Variants in TNIK observed in about 807,000 individuals in gnomAD.
TNIK encodes TRAF2 and NCK-interacting protein kinase.
TNIK carries 49 observed loss-of-function variants against 191.3 expected under a neutral mutation model. The observed-to-expected ratio is 0.26, with a 90% confidence interval of 0.20 to 0.32. The LOEUF (loss-of-function observed/expected upper bound fraction) is 0.32. Ranked by LOEUF, TNIK falls within the 10% of genes least tolerant of loss-of-function variation. The pLI is 1.00. For missense variants in TNIK, 1,155 were observed against 1,702.3 expected, an observed-to-expected ratio of 0.68 and a Z score of 5.66; for synonymous variants, 594 against 600.9, an observed-to-expected ratio of 0.99 and a Z score of 0.17.
intron 1 of TNIK, chr3:171,439,389 C>T (rs1352813386): frequency 6.6e-6 from 1 of 151,510 alleles, no homozygotes; most frequent in Admixed American, 6.6e-5. Flanking sequence ...AAACTAGGTT[C>T]AAAAACTGGC....
At position 171,329,400 on chromosome 3, in the gene TNIK, C is replaced by T. The variant is rs150807030; in HGVS notation, c.123+40220G>A. 2.5e-3 allele frequency among the ~76,000 whole-genome samples: 377 copies of T among 152,084 alleles called. 3 individuals are homozygous for T. The highest frequency in any genetic ancestry group is 8.8e-3 in the African/African-American group (367 of 41,498). ...TAAATCAAAAGAATGTAATTGAAAA[C>T]AGCAGGGCCTCCAGATAGAGAAATG... On this transcript the variant is annotated intron_variant, in intron 2 of 32. Transcript: ENST00000436636.
chr3:171,300,708 T>C (rs1322689747), intron 2 of TNIK, among the ~76,000 whole-genome samples: 1 of 152,170 alleles, frequency 6.6e-6, no homozygotes, highest in Non-Finnish European at 1.5e-5. Flanking sequence ...AAAGAAATCG[T>C]CAAGTACTGT....
intron 1 of TNIK, among the ~76,000 whole-genome samples, chr3:171,415,065 G>A (rs1206362707): frequency 5.3e-5 from 8 of 152,036 alleles, no homozygotes; most frequent in Non-Finnish European, 1.5e-5. Context: ...CCCTCCAGTT[G>A]CCCAACCCGC....
At chr3:171,211,058 C>T in intron 4 of TNIK, 58 bp downstream of exon 4, 1 of 1,592,166 alleles carries the variant, frequency 6.3e-7, no homozygotes. Flanking sequence ...GAAAAATGAA[C>T]CATTTGGCCG....
At position 171,167,222 on chromosome 3, in the gene TNIK, G is replaced by A. The variant is rs1734728332; in HGVS notation, c.822C>T (p.His274=). Residue 274 remains histidine (H), a synonymous_variant, in exon 10 of 33, where the codon CAC becomes CAT. Transcript: ENST00000436636. The stretch of plus-strand genomic sequence containing the variant: ...ATTGTTCTGTTGCTGGTCGCTGGCT[G>A]TGATTCTTTACCAAGCAGCTCTCAA... The part of the protein sequence containing the change: ...SFIESCLVKN[H]SQRPATEQLM... The A allele has an allele frequency of 1.2e-6, 2 of 1,613,832 alleles. No individual in the cohort carries two copies. The highest frequency in any genetic ancestry group is 1.3e-5 in the African/African-American group (1 of 74,924).
chr3:171,392,297 G>A (rs1423698165), intron 1 of TNIK, among the ~76,000 whole-genome samples: 1 of 152,072 alleles, frequency 6.6e-6, no homozygotes, highest in Admixed American at 6.6e-5. Flanking sequence ...TATTGAAAAG[G>A]GTGATTCCAG....
chr3:171,072,214 G>A (rs1005085766), intron 28 of TNIK, among the ~76,000 whole-genome samples: 4 of 152,104 alleles, frequency 2.6e-5, no homozygotes, highest in Non-Finnish European at 5.9e-5. Context: ...GGTACACATG[G>A]CAGTCAGTTT....
At chr3:171,335,354 G>A (rs921667025) in intron 2 of TNIK, among the ~76,000 whole-genome samples, 3 of 152,180 alleles carry the variant, frequency 2.0e-5, no homozygotes, top group Non-Finnish European at 4.4e-5. Context: ...ACAGTTTGAT[G>A]AATTTTAACA....
Position 171,460,273 on chromosome 3 carries a change from T to C in TNIK, c.-210A>G. On this transcript the variant is annotated 5_prime_UTR_variant, in exon 1 of 33. Transcript: ENST00000436636. The surrounding 1 kb of genome is among the most constrained non-coding windows in gnomAD (Gnocchi z 6.8). ...GGTCCGGGAGCCCAGCCTGCGCGGA[T>C]CTCCAAGCCCCGAGCAGCGGTGCGT... The C allele has an allele frequency of 1.6e-6, 1 of 633,376 alleles. No individual in the cohort carries two copies. The highest frequency in any genetic ancestry group is 2.7e-6 in the Non-Finnish European group (1 of 365,772). The allele number at this position is 633,376 out of a possible 1,614,324, so 39.2% of individuals were successfully genotyped here. A position where few individuals can be genotyped will look rare whatever the true frequency, so the allele number is the denominator to read the frequency against.
rs760319253 is a variant in TNIK, at chr3:171,264,067, TACACACACACACACACAC to T, written c.124-35864_124-35847del. Among the ~76,000 whole-genome samples, 49 of 110,814 alleles carry T rather than the reference TACACACACACACACACAC, an allele frequency of 4.4e-4. 1 individual carries two copies. The highest frequency in any genetic ancestry group is 0.01 in the Middle Eastern group (2 of 192). 72.7% of individuals were successfully genotyped at this position (110,814 alleles called of 152,430 possible). On this transcript the variant is annotated intron_variant, in intron 2 of 32. Transcript: ENST00000436636. ...ATATGTGTGTGTGTATATATATACA[TACACACACACACACACAC>T]ACACACACACACACACACACACACA...
intron 19 of TNIK, 55 bp from the exon 20 acceptor site, chr3:171,108,217 T>C (rs1725269521): frequency 2.2e-6 from 3 of 1,374,390 alleles, no homozygotes; most frequent in Non-Finnish European, 2.9e-6. Context: ...AAGTGCTGGC[T>C]CAAGTTCTGA....
intron 1 of TNIK, among the ~76,000 whole-genome samples, chr3:171,451,763 T>G (rs1329717894): frequency 6.6e-6 from 1 of 152,164 alleles, no homozygotes; most frequent in Non-Finnish European, 1.5e-5. Context: ...AATGTTGTCT[T>G]CAGCTCAGCC....
At chr3:171,280,946 A>C (rs1750354482) in intron 2 of TNIK, among the ~76,000 whole-genome samples, 1 of 152,242 alleles carries the variant, frequency 6.6e-6, no homozygotes, top group African/African-American at 2.4e-5. Flanking sequence ...AAAATCTAGA[A>C]CACTCAGTAA....
At chr3:171,441,126 G>T (rs570258383) in intron 1 of TNIK, among the ~76,000 whole-genome samples, 7 of 152,280 alleles carry the variant, frequency 4.6e-5, no homozygotes, top group Non-Finnish European at 7.4e-5. Context: ...ACAGAGACCT[G>T]ACTAGGAAAT....
At chr3:171,361,910 G>C (rs1002636450) in intron 2 of TNIK, among the ~76,000 whole-genome samples, 1 of 152,102 alleles carries the variant, frequency 6.6e-6, no homozygotes. Context: ...GAGAACAACT[G>C]AAGTTCCAAA....
At chr3:171,158,875 C>A (rs150377899) in intron 11 of TNIK, among the ~76,000 whole-genome samples, 1 of 152,088 alleles carries the variant, frequency 6.6e-6, no homozygotes, top group Non-Finnish European at 1.5e-5. Context: ...GAAGGAAGAA[C>A]GTTCCAGGCA....
intron 2 of TNIK, among the ~76,000 whole-genome samples, chr3:171,328,606 G>A (rs1479277232): frequency 6.6e-6 from 1 of 152,198 alleles, no homozygotes; most frequent in Admixed American, 6.5e-5. Flanking sequence ...AAATTTAAAA[G>A]CTTCTCTTTT....
At chr3:171,259,306 T>A (rs1747298567) in intron 2 of TNIK, among the ~76,000 whole-genome samples, 1 of 151,982 alleles carries the variant, frequency 6.6e-6, no homozygotes. Flanking sequence ...CTTTCAAGAG[T>A]CGCCATTAGG....
At chr3:171,425,158 G>GA (rs1211455107) in intron 1 of TNIK, among the ~76,000 whole-genome samples, 25 of 152,230 alleles carry the variant, frequency 1.6e-4, no homozygotes, top group Non-Finnish European at 2.9e-4. Context: ...TTGGAGCAAA[G>GA]AAATGAAATT....
Sources: gnomAD v4.1 joint callset for allele counts (sites outside exome capture counted in the v4.1 genomes callset) on GRCh38, gnomAD v4.1.1 for gene constraint, Gnocchi (gnomAD v3.1) non-coding constraint, MANE v1.5 for transcripts, NCBI Gene and HGNC (gene_info 2026-07-23, HGNC 2026-07-21) for gene names.